Variants in DMTN observed in about 807,000 individuals in gnomAD.
DMTN encodes dematin actin binding protein.
A neutral mutation model predicts 59.4 loss-of-function variants in DMTN; 27 were observed. The observed-to-expected ratio is 0.45, with a 90% confidence interval of 0.33 to 0.63. DMTN has a LOEUF of 0.63. Ranked by LOEUF, DMTN falls within the 20% of genes least tolerant of loss-of-function variation. DMTN has a pLI of 0.02. For synonymous variants in DMTN, 221 were observed against 203.7 expected (o/e 1.08, Z -0.72); for missense variants, 451 against 528.9 (o/e 0.85, Z 1.45).
At chr8:22,061,108 C>CAA (rs981774363) in intron 1 of DMTN, among the ~76,000 whole-genome samples, 2 of 122,462 alleles carry the variant, frequency 1.6e-5, no homozygotes, top group African/African-American at 2.9e-5. Context: ...CCCATCTTTA[C>CAA]AAAAAAAAAA....
Position 22,082,147 on chromosome 8 carries a change from C to T in DMTN, c.*684C>T, listed in dbSNP as rs1824588816. On this transcript the variant is annotated 3_prime_UTR_variant, in exon 16 of 16. Transcript: ENST00000358242. ...CCTCCAGGCCACGAAATGGGAATTC[C>T]AGCACTAAGCCAGGCACCGGGCAGA... 2 of 456,498 alleles carry T rather than the reference C, an allele frequency of 4.4e-6. No homozygotes were observed. The highest frequency in any genetic ancestry group is 2.0e-5 in the African/African-American group (1 of 50,072). The allele number at this position is 456,498 out of a possible 1,614,324, so 28.3% of individuals were successfully genotyped here. A position where few individuals can be genotyped will look rare whatever the true frequency, so the allele number is the denominator to read the frequency against.
chr8:22,070,967 C>A (rs901792484), intron 8 of DMTN, among the ~76,000 whole-genome samples: 1 of 152,190 alleles, frequency 6.6e-6, no homozygotes, highest in South Asian at 2.1e-4. Flanking sequence ...GCCTCCAGTT[C>A]CATTCATGTT....
rs533683351 is a variant in DMTN, at chr8:22,066,977, G to T, written c.18+84G>T. On this transcript the variant is annotated intron_variant, in intron 2 of 15. Coordinates refer to ENST00000358242, the MANE Select transcript of DMTN (RefSeq NM_001387751.1). ...CCAGGGCGCCACCTGGTGGCCACCC[G>T]CCGCGCAGCGCCGCGCAGCGCCCCG... 12 of 1,228,476 alleles carry T rather than the reference G, an allele frequency of 9.8e-6. No individual in the cohort carries two copies. In the African/African-American group the frequency reaches 1.3e-4, roughly 13 times the overall value. 76.1% of individuals were successfully genotyped at this position (1,228,476 alleles called of 1,614,324 possible).
chr8:22,070,877 G>A (rs772718849), intron 8 of DMTN, among the ~76,000 whole-genome samples: 4 of 151,942 alleles, frequency 2.6e-5, no homozygotes, highest in Admixed American at 2.0e-4. Context: ...ACATCCATGC[G>A]TACACACTAT....
upstream of DMTN, among the ~76,000 whole-genome samples, chr8:22,053,264 C>T (rs1198810982): frequency 2.0e-5 from 3 of 151,972 alleles, no homozygotes; most frequent in East Asian, 1.9e-4. Flanking sequence ...AGGGGCTTTG[C>T]GGGGGCCAGA....
chr8:22,080,297 G>T lies in DMTN; in HGVS notation c.900+53G>T, dbSNP rs1253662745. 3 of 1,613,458 alleles carry T rather than the reference G, an allele frequency of 1.9e-6. No individual in the cohort carries two copies. In the Admixed American group the frequency reaches 5.0e-5, roughly 27 times the overall value. ...CTACGTGGGAGGAACGTGCATGTGGGGTGCTGAGGGACTGAGCCACTTGGG... is the reference window on the plus strand; with the variant it reads ...CTACGTGGGAGGAACGTGCATGTGGTGTGCTGAGGGACTGAGCCACTTGGG... On this transcript the variant is annotated intron_variant, in intron 11 of 15. Transcript: ENST00000358242.
At position 22,073,923 on chromosome 8, in the gene DMTN, T is replaced by C. The variant is rs1817777399; in HGVS notation, c.835+88T>C. 4 of 1,071,176 alleles carry C rather than the reference T, an allele frequency of 3.7e-6. No homozygotes were observed. The Admixed American group carries it at 5.7e-5, about 15-fold the overall frequency. 66.4% of individuals were successfully genotyped at this position (1,071,176 alleles called of 1,614,324 possible). A position where few individuals can be genotyped will look rare whatever the true frequency, so the allele number is the denominator to read the frequency against. On this transcript the variant is annotated intron_variant, in intron 10 of 15. Coordinates refer to ENST00000358242, the MANE Select transcript of DMTN (RefSeq NM_001387751.1). ...CTGTTGACTTGTGACACATACAGGA[T>C]GCAATCCCTGACCCAAAGCACGGCT...
rs1824781002 is a variant in DMTN, at chr8:22,082,512, G to A, written c.*1049G>A. On this transcript the variant is annotated 3_prime_UTR_variant, in exon 16 of 16. Transcript: ENST00000358242. ...GGACTCTGCTTGGAATTAAAAGGTT[G>A]CATTGGGTCCCTACATCTGTCTTTT... is the stretch of plus-strand genomic sequence containing the variant. The A allele has an allele frequency of 1.4e-5, 4 of 295,580 alleles. No individual in the cohort carries two copies. Among genetic ancestry groups the A allele is most frequent in the East Asian group, 1.8e-4 (2 of 11,406 alleles). 18.3% of individuals were successfully genotyped at this position (295,580 alleles called of 1,614,324 possible).
intron 15 of DMTN, 42 bp downstream of exon 15, chr8:22,081,235 CG>C (rs995272525): frequency 1.2e-6 from 2 of 1,610,110 alleles, no homozygotes; most frequent in African/African-American, 2.7e-5. Context: ...GGGCTGTCCA[CG>C]GGCACTCTCC....
Position 22,066,806 on chromosome 8 carries a change from C to T in DMTN, c.-70C>T, listed in dbSNP as rs1810991776. 4.3e-6 allele frequency: 6 copies of T among 1,411,104 alleles called. No homozygotes were observed. Among genetic ancestry groups the T allele is most frequent in the Non-Finnish European group, 4.6e-6 (5 of 1,078,702 alleles). 87.4% of individuals were successfully genotyped at this position (1,411,104 alleles called of 1,614,324 possible). A position where few individuals can be genotyped will look rare whatever the true frequency, so the allele number is the denominator to read the frequency against. The stretch of plus-strand genomic sequence containing the variant: ...CGCAGCGCCCAGCAGCCGCGCCGAG[C>T]CTGACACGCTGTCCTCTCCCCTCGC... On this transcript the variant is annotated 5_prime_UTR_variant, in exon 2 of 16. Transcript: ENST00000358242.
chr8:22,070,585 C>T (rs1304507610), intron 8 of DMTN, among the ~76,000 whole-genome samples: 1 of 152,170 alleles, frequency 6.6e-6, no homozygotes, highest in Non-Finnish European at 1.5e-5. Context: ...ACTCAACAGA[C>T]ATGTATCAAA....
Position 22,082,046 on chromosome 8 carries a change from C to G in DMTN, c.*583C>G, listed in dbSNP as rs1033817355. 2 of 456,796 alleles carry G rather than the reference C, an allele frequency of 4.4e-6. No individual in the cohort carries two copies. The highest frequency in any genetic ancestry group is 4.0e-5 in the African/African-American group (2 of 50,090). 28.3% of individuals were successfully genotyped at this position (456,796 alleles called of 1,614,324 possible). On this transcript the variant is annotated 3_prime_UTR_variant, in exon 16 of 16. Coordinates refer to ENST00000358242, the MANE Select transcript of DMTN (RefSeq NM_001387751.1). ...ACCCCGAGCTTCCAAGCCTTTTGCT[C>G]CAGCCCTGCGGCTTCCCCAGAAGCC...
intron 1 of DMTN, among the ~76,000 whole-genome samples, chr8:22,057,657 T>C (rs923006472): frequency 6.6e-6 from 1 of 151,166 alleles, no homozygotes; most frequent in African/African-American, 2.4e-5. Context: ...GAGTGAAGAG[T>C]GAGGCTGTGG....
intron 10 of DMTN, among the ~76,000 whole-genome samples, chr8:22,079,939 T>A (rs1180035796): frequency 6.6e-6 from 1 of 152,188 alleles, no homozygotes; most frequent in African/African-American, 2.4e-5. Context: ...AGTTGTATAT[T>A]TGGGCCACTT....
intron 3 of DMTN, 67 bp from the exon 4 acceptor site, chr8:22,067,460 G>T: frequency 3.1e-6 from 5 of 1,589,442 alleles, no homozygotes; most frequent in Non-Finnish European, 4.3e-6. Context: ...CGTAAGTCTA[G>T]CTAGCAGGGC....
Position 22,081,790 on chromosome 8 carries a change from GC to G in DMTN, c.*329del. On this transcript the variant is annotated 3_prime_UTR_variant, in exon 16 of 16. Coordinates refer to ENST00000358242, the MANE Select transcript of DMTN (RefSeq NM_001387751.1). ...AGGAATGAGGGGCATTGGTGGTTAG[GC>G]CGGTTGGCTGTCTTGAACAGCTGGA... 2.0e-6 allele frequency: 1 copy of G among 505,750 alleles called. No homozygotes were observed. The highest frequency in any genetic ancestry group is 1.6e-5 in the South Asian group (1 of 63,202). The allele number at this position is 505,750 out of a possible 1,614,324, so 31.3% of individuals were successfully genotyped here.
At chr8:22,054,375 C>A (rs1801763069), upstream of DMTN, among the ~76,000 whole-genome samples, 1 of 151,680 alleles carries the variant, frequency 6.6e-6, no homozygotes, top group Non-Finnish European at 1.5e-5. Flanking sequence ...CTGTCCCTTG[C>A]TCTGAGTTTT....
intron 3 of DMTN, among the ~76,000 whole-genome samples, 157 bp downstream of exon 3, chr8:22,067,316 ATCCCCCT>A (rs1280340265): frequency 6.6e-6 from 1 of 152,080 alleles, no homozygotes; most frequent in East Asian, 1.9e-4. Flanking sequence ...AAGCTCCCAT[ATCCCCCT>A]TCCACTGGTC....
chr8:22,059,853 G>A (rs1805040221), intron 1 of DMTN, among the ~76,000 whole-genome samples: 1 of 152,210 alleles, frequency 6.6e-6, no homozygotes, highest in African/African-American at 2.4e-5. Context: ...GTCCAGGGGA[G>A]CCACAGTCTG....
Sources: allele counts gnomAD v4.1 joint callset (sites outside exome capture counted in the v4.1 genomes callset), GRCh38; gene constraint gnomAD v4.1.1; transcripts MANE v1.5; gene names NCBI Gene and HGNC (gene_info 2026-07-23, HGNC 2026-07-21).